PGPEP1L: variants seen among roughly 807,000 people sequenced by gnomAD.
PGPEP1L encodes pyroglutamyl-peptidase I like.
A neutral mutation model predicts 6.0 loss-of-function variants in PGPEP1L; 7 were observed. The observed-to-expected ratio is 1.17, with a 90% CI of 0.66 to 2.19. The LOEUF is 2.19. Among genes scored for constraint, PGPEP1L ranks in the 30% most tolerant of loss-of-function variants. The pLI is 0.00. For synonymous variants in PGPEP1L, 103 were observed against 83.9 expected, an observed-to-expected ratio of 1.23 and a Z score of -1.24; for missense variants, 209 against 192.5, an observed-to-expected ratio of 1.09 and a Z score of -0.51.
chr15:99,004,165 G>A (rs1172260944), intron 2 of PGPEP1L, among the ~76,000 whole-genome samples: 1 of 148,312 alleles, frequency 6.7e-6, no homozygotes, highest in Non-Finnish European at 1.5e-5. Flanking sequence ...CATTTTGGGA[G>A]GCCAAGGCGG....
chr15:98,993,369 G>A (rs1403413872), intron 2 of PGPEP1L, among the ~76,000 whole-genome samples: 1 of 152,188 alleles, frequency 6.6e-6, no homozygotes, highest in Non-Finnish European at 1.5e-5. Flanking sequence ...CTGGTCATTA[G>A]AGAAATGCAC....
chr15:98,972,518 G>A (rs1328892304), intron 2 of PGPEP1L, among the ~76,000 whole-genome samples: 1 of 152,096 alleles, frequency 6.6e-6, no homozygotes, highest in African/African-American at 2.4e-5. Context: ...AATGGCAGTA[G>A]TAAACACCTG....
At chr15:98,977,842 C>T (rs1047845275) in intron 2 of PGPEP1L, among the ~76,000 whole-genome samples, 6 of 152,232 alleles carry the variant, frequency 3.9e-5, no homozygotes, top group South Asian at 4.1e-4. Flanking sequence ...ACGTATTTTA[C>T]AAGCACTGTT....
chr15:98,974,378 C>CA (rs67979607), intron 2 of PGPEP1L, among the ~76,000 whole-genome samples: 29 of 147,650 alleles, frequency 2.0e-4, no homozygotes, highest in Non-Finnish European at 2.5e-4. Flanking sequence ...GACCCTGTCT[C>CA]AAAAAAAAAT....
At chr15:99,003,620 G>A (rs1221976723) in intron 2 of PGPEP1L, among the ~76,000 whole-genome samples, 9 of 151,866 alleles carry the variant, frequency 5.9e-5, no homozygotes, top group Admixed American at 1.3e-4. Context: ...ATTTACACAC[G>A]AAGCAAATCC....
intron 2 of PGPEP1L, 80 bp from the exon 3 acceptor site, chr15:98,971,238 A>G (rs914501633): frequency 8.4e-6 from 12 of 1,436,092 alleles, no homozygotes; most frequent in African/African-American, 5.9e-5. Flanking sequence ...TGAAAACCCA[A>G]TCCTTGGGGT....
Position 98,968,427 on chromosome 15 carries a change from C to T in PGPEP1L, c.*51G>A. On this transcript the variant is annotated 3_prime_UTR_variant, in exon 5 of 5. Transcript: ENST00000535714. Reference sequence around the variant, plus strand: ...AAGTTTCTCAATGCACAGTTGAGTGCTACATACAGGATTGAAACATTCAAT... The same window carrying T: ...AAGTTTCTCAATGCACAGTTGAGTGTTACATACAGGATTGAAACATTCAAT... 1 of 1,554,726 alleles carries T rather than the reference C, an allele frequency of 6.4e-7. No individual in the cohort carries two copies. Among genetic ancestry groups the T allele is most frequent in the Admixed American group, 1.9e-5 (1 of 53,934 alleles).
Position 98,971,106 on chromosome 15 carries a change from A to G in PGPEP1L, c.-89T>C, listed in dbSNP as rs116915938. On this transcript the variant is annotated 5_prime_UTR_variant, in exon 3 of 5. Coordinates refer to ENST00000535714, the MANE Select transcript of PGPEP1L (RefSeq NM_001167902.2). Reference sequence around the variant, plus strand: ...CTCCCTGTAATCTACAGGCAGCTCCAGAGTCCGCAGCTGCACCACTGTTTC... The same window carrying G: ...CTCCCTGTAATCTACAGGCAGCTCCGGAGTCCGCAGCTGCACCACTGTTTC... 21,609 of 1,604,870 alleles carry G rather than the reference A, an allele frequency of 0.013. 214 individuals are homozygous for G. Among genetic ancestry groups the G allele is most frequent in the Middle Eastern group, 0.028 (168 of 6,004 alleles).
intron 2 of PGPEP1L, among the ~76,000 whole-genome samples, chr15:98,981,872 C>T (rs1218490934): frequency 6.6e-6 from 1 of 152,136 alleles, no homozygotes. Flanking sequence ...GGAGAGGCTG[C>T]TCTGTTTAGC....
intron 2 of PGPEP1L, among the ~76,000 whole-genome samples, chr15:98,986,363 AT>A (rs1555471494): frequency 6.6e-6 from 1 of 152,230 alleles, no homozygotes; most frequent in African/African-American, 2.4e-5. Flanking sequence ...GAGTTTAATC[AT>A]ATGACCATTG....
intron 2 of PGPEP1L, among the ~76,000 whole-genome samples, chr15:98,995,781 C>CA (rs1370079281): frequency 2.0e-5 from 3 of 152,216 alleles, no homozygotes; most frequent in Admixed American, 1.3e-4. Context: ...CTATCACGCC[C>CA]AAAAAACCCC....
intron 2 of PGPEP1L, among the ~76,000 whole-genome samples, chr15:98,985,896 G>C (rs2017740436): frequency 2.6e-5 from 4 of 152,222 alleles, no homozygotes; most frequent in Admixed American, 1.3e-4. Flanking sequence ...CCACCAGGCA[G>C]CCTTCCCAGC....
intron 2 of PGPEP1L, among the ~76,000 whole-genome samples, chr15:99,004,358 A>ATGAGTTC (rs1284972882): frequency 6.7e-6 from 1 of 149,370 alleles, no homozygotes; most frequent in East Asian, 2.0e-4. Context: ...GCAGTGAGTT[A>ATGAGTTC]TGACTGAGCC....
chr15:98,976,068 G>A (rs78480113), intron 2 of PGPEP1L, among the ~76,000 whole-genome samples: 1 of 152,044 alleles, frequency 6.6e-6, no homozygotes, highest in Non-Finnish European at 1.5e-5. Flanking sequence ...GTTGGGGGAA[G>A]GAAGAAATGG....
At chr15:98,986,121 T>C (rs1555471466) in intron 2 of PGPEP1L, among the ~76,000 whole-genome samples, 1 of 152,226 alleles carries the variant, frequency 6.6e-6, no homozygotes, top group Non-Finnish European at 1.5e-5. Flanking sequence ...TAGGGAACTG[T>C]GGCATAAGAG....
At chr15:98,980,359 CAGG>C (rs1245895260) in intron 2 of PGPEP1L, among the ~76,000 whole-genome samples, 4 of 152,084 alleles carry the variant, frequency 2.6e-5, no homozygotes, top group Admixed American at 6.6e-5. Flanking sequence ...GAAAAGGTTT[CAGG>C]AGGAGACAGA....
chr15:98,995,267 T>G (rs1437827884), intron 2 of PGPEP1L, among the ~76,000 whole-genome samples: 1 of 151,812 alleles, frequency 6.6e-6, no homozygotes, highest in East Asian at 2.0e-4. Context: ...TATCTTCAGA[T>G]CTGTCTTCTA....
chr15:98,974,079 T>A (rs1215204330), intron 2 of PGPEP1L, among the ~76,000 whole-genome samples: 1 of 151,782 alleles, frequency 6.6e-6, no homozygotes, highest in Non-Finnish European at 1.5e-5. Context: ...ACCAACAAAT[T>A]GGAAAATATA....
chr15:99,005,051 G>T (rs1242205793), intron 2 of PGPEP1L, among the ~76,000 whole-genome samples: 1 of 152,012 alleles, frequency 6.6e-6, no homozygotes, highest in Admixed American at 6.5e-5. Flanking sequence ...CCTCTTCCTT[G>T]CTATGAGCCT....
Sources: allele counts gnomAD v4.1 joint callset (sites outside exome capture counted in the v4.1 genomes callset), GRCh38; gene constraint gnomAD v4.1.1; transcripts MANE v1.5; gene names NCBI Gene and HGNC (gene_info 2026-07-23, HGNC 2026-07-21).